The following RFX2 variants were observed in gnomAD, a reference collection of about 807,000 sequenced individuals.
RFX2 encodes the protein regulatory factor X2, also known as DNA-binding protein RFX2.
A neutral mutation model predicts 87.8 loss-of-function variants in RFX2; 20 were observed. The observed-to-expected ratio is 0.23, with a 90% CI of 0.16 to 0.33. The LOEUF (loss-of-function observed/expected upper bound fraction) is 0.33. Ranked by LOEUF, RFX2 falls within the 10% of genes least tolerant of loss-of-function variation. The probability of loss-of-function intolerance (pLI) is 1.00; values close to 1 mark genes in which losing one functional copy is unlikely to be tolerated. For synonymous variants in RFX2, 397 were observed against 431.3 expected, an observed-to-expected ratio of 0.92 and a Z score of 0.98; for missense variants, 767 against 1,012.3, an observed-to-expected ratio of 0.76 and a Z score of 3.29.
At chr19:6,076,268 C>A (rs2087691283) in intron 1 of RFX2, among the ~76,000 whole-genome samples, 1 of 152,088 alleles carries the variant, frequency 6.6e-6, no homozygotes, top group African/African-American at 2.4e-5. Context: ...CGCCTGAACC[C>A]GGGAGGCTGA....
chr19:5,994,386 A>AG lies in RFX2; in HGVS notation c.*448dup, dbSNP rs2086374177. On this transcript the variant is annotated 3_prime_UTR_variant, in exon 18 of 18. Coordinates refer to ENST00000303657, the MANE Select transcript of RFX2 (RefSeq NM_000635.4). Reference sequence around the variant, plus strand: ...TGCCTCCCCAGCGGTGGCAGGTAGGAGGGGAGAGGCCGTCCCTTTCTAGTC... The same window carrying AG: ...TGCCTCCCCAGCGGTGGCAGGTAGGAGGGGGAGAGGCCGTCCCTTTCTAGTC... The AG allele has an allele frequency of 1.3e-5, 2 of 154,822 alleles. No homozygotes were observed. The highest frequency in any genetic ancestry group is 1.3e-4 in the Admixed American group (2 of 15,764). 9.6% of individuals were successfully genotyped at this position (154,822 alleles called of 1,614,324 possible). A position where few individuals can be genotyped will look rare whatever the true frequency, so the allele number is the denominator to read the frequency against.
intron 1 of RFX2, among the ~76,000 whole-genome samples, chr19:6,087,420 T>A (rs1364795640): frequency 6.6e-6 from 1 of 152,104 alleles, no homozygotes; most frequent in African/African-American, 2.4e-5. Flanking sequence ...GGATCGAGGA[T>A]CAGAGGAAGC....
At chr19:6,067,546 C>G (rs572030355) in intron 1 of RFX2, among the ~76,000 whole-genome samples, 1 of 152,294 alleles carries the variant, frequency 6.6e-6, no homozygotes, top group East Asian at 1.9e-4. Flanking sequence ...CATGGTTGGG[C>G]AATCTCGACC....
chr19:6,100,671 G>A (rs1037410433), intron 1 of RFX2, among the ~76,000 whole-genome samples: 3 of 152,132 alleles, frequency 2.0e-5, no homozygotes, highest in African/African-American at 7.2e-5. Context: ...GGTGGGAGGC[G>A]CCATGTTGCG....
intron 5 of RFX2, among the ~76,000 whole-genome samples, chr19:6,033,095 G>A (rs1041859913): frequency 6.6e-6 from 1 of 152,138 alleles, no homozygotes; most frequent in Admixed American, 6.5e-5. Flanking sequence ...CAGCAGGACC[G>A]ATTCTTAGAG....
chr19:6,016,311 G>A lies in RFX2; in HGVS notation c.598-40C>T. ...ACACGTCTGCGTTTGTCAGAAGCCT[G>A]AGGAACGCTAACATGCCAACGTGGA... On this transcript the variant is annotated intron_variant, in intron 6 of 17. Transcript: ENST00000303657. This position sits in a 1 kb window ranked among gnomAD's most constrained non-coding sequence, Gnocchi z 5.4. The A allele has an allele frequency of 2.0e-6, 3 of 1,512,596 alleles. No homozygotes were observed. Among genetic ancestry groups the A allele is most frequent in the Non-Finnish European group, 2.7e-6 (3 of 1,108,812 alleles). 93.7% of individuals were successfully genotyped at this position (1,512,596 alleles called of 1,614,324 possible).
chr19:6,038,348 A>AAAAAC lies in RFX2; in HGVS notation c.522+1627_522+1631dup, dbSNP rs1568518829. Among the ~76,000 whole-genome samples, 4 of 150,636 alleles carry AAAAAC rather than the reference A, an allele frequency of 2.7e-5. 1 individual carries two copies. The highest frequency in any genetic ancestry group is 5.9e-5 in the Non-Finnish European group (4 of 67,626). On this transcript the variant is annotated intron_variant, in intron 5 of 17. Transcript: ENST00000303657. ...TCTCAGAAAAAAAAAAAAAAAAAAAAAAAACCCAAAACAAAAGTAAAACTA... is the reference window on the plus strand; with the variant it reads ...TCTCAGAAAAAAAAAAAAAAAAAAAAAAAACAAAACCCAAAACAAAAGTAAAACTA...
At chr19:6,079,883 T>G in intron 1 of RFX2, among the ~76,000 whole-genome samples, 1 of 82,062 alleles carries the variant, frequency 1.2e-5, no homozygotes, top group South Asian at 3.9e-4. Context: ...AGACTCTGTC[T>G]CAAAAAAAAA....
chr19:6,034,204 G>C (rs999130802), intron 5 of RFX2, among the ~76,000 whole-genome samples: 2 of 150,780 alleles, frequency 1.3e-5, no homozygotes, highest in Non-Finnish European at 3.0e-5. Flanking sequence ...CTTAGTAGCT[G>C]GGACTACAGA....
rs1422285099 is a variant in RFX2, at chr19:6,064,316, C to T, written c.-8-16812G>A. Among the ~76,000 whole-genome samples, 1 of 152,228 alleles carries T rather than the reference C, an allele frequency of 6.6e-6. No homozygotes were observed. The highest frequency in any genetic ancestry group is 1.5e-5 in the Non-Finnish European group (1 of 68,042). ...GGCATCATGCTTTTGTGTTCTCCTT[C>T]TCTTACCAGCCTTTCTTTCCCTCTC... On this transcript the variant is annotated intron_variant, in intron 1 of 17. Transcript: ENST00000303657. The surrounding 1 kb of genome is among the most constrained non-coding windows in gnomAD (Gnocchi z 4.8).
chr19:6,023,687 C>T lies in RFX2; in HGVS notation c.597+2476G>A, dbSNP rs1442861975. On this transcript the variant is annotated intron_variant, in intron 6 of 17. Coordinates refer to ENST00000303657, the MANE Select transcript of RFX2 (RefSeq NM_000635.4). The surrounding 1 kb of genome is among the most constrained non-coding windows in gnomAD (Gnocchi z 4.9). ...ATACGAATCTTCATCGGGGAAGCGA[C>T]CTGAGAAAGTCTGCCTTTCGGATGA... Among the ~76,000 whole-genome samples the T allele has an allele frequency of 6.6e-6, 1 of 152,142 alleles. No homozygotes were observed. Among genetic ancestry groups the T allele is most frequent in the Non-Finnish European group, 1.5e-5 (1 of 68,042 alleles).
In RFX2 at chr19:6,020,081, C is replaced by T. The variant is rs774353938; in HGVS notation, c.598-3810G>A. On this transcript the variant is annotated intron_variant, in intron 6 of 17. Transcript: ENST00000303657. The surrounding 1 kb of genome is among the most constrained non-coding windows in gnomAD (Gnocchi z 5.3). ...GGAGCCAAGGCCAGTGACACCACAT[C>T]TCAAGGAGCCAAATGACGATGCGGA... The T allele has an allele frequency of 6.6e-6, 1 of 152,354 alleles. No individual in the cohort carries two copies. The highest frequency in any genetic ancestry group is 1.5e-5 in the Non-Finnish European group (1 of 68,066). 9.4% of individuals were successfully genotyped at this position (152,354 alleles called of 1,614,324 possible). A position where few individuals can be genotyped will look rare whatever the true frequency, so the allele number is the denominator to read the frequency against.
At chr19:6,014,659 A>G (rs617748) in intron 7 of RFX2, among the ~76,000 whole-genome samples, 2,374 of 152,210 alleles carry the variant, frequency 0.016, 50 homozygotes, top group African/African-American at 0.054. Flanking sequence ...CTTAATCCTG[A>G]AGCCAGCAGC....
intron 1 of RFX2, among the ~76,000 whole-genome samples, chr19:6,059,199 C>T (rs868330852): frequency 3.3e-5 from 5 of 152,012 alleles, no homozygotes; most frequent in African/African-American, 9.7e-5. Context: ...AGAATGATCT[C>T]GAACTCCTGG....
rs372303921 is a variant in RFX2 at position 6,084,643 on chromosome 19, C to CTTTCTTTTTT, written c.-9+25749_-9+25750insAAAAAAGAAA. On this transcript the variant is annotated intron_variant, in intron 1 of 17. Transcript: ENST00000303657. ...TGTCCTTTTTTTTCTTTCTTTCTTTCTTTTTTTTGAGACAGAATCTCGCTC... is the reference window on the plus strand; with the variant it reads ...TGTCCTTTTTTTTCTTTCTTTCTTTCTTTCTTTTTTTTTTTTTTGAGACAGAATCTCGCTC... Among the ~76,000 whole-genome samples the CTTTCTTTTTT allele has an allele frequency of 8.8e-4, 128 of 145,414 alleles. 2 individuals are homozygous for CTTTCTTTTTT. The highest frequency in any genetic ancestry group is 3.1e-3 in the African/African-American group (114 of 36,758).
At position 6,045,279 on chromosome 19, in the gene RFX2, T is replaced by C. The variant is rs2087171832; in HGVS notation, c.91-997A>G. Reference sequence around the variant, plus strand: ...TGTGCTTGGAGAATTCACAGGGTCCTGGCAAGTCCTCAGAGAGGGACCACA... The same window carrying C: ...TGTGCTTGGAGAATTCACAGGGTCCCGGCAAGTCCTCAGAGAGGGACCACA... On this transcript the variant is annotated intron_variant, in intron 2 of 17. Transcript: ENST00000303657. This position sits in a 1 kb window ranked among gnomAD's most constrained non-coding sequence, Gnocchi z 5.2. Among the ~76,000 whole-genome samples the C allele has an allele frequency of 6.6e-6, 1 of 152,214 alleles. No homozygotes were observed. The highest frequency in any genetic ancestry group is 6.5e-5 in the Admixed American group (1 of 15,278).
chr19:6,103,468 A>G lies in RFX2; in HGVS notation c.-9+6925T>C, dbSNP rs186443829. Among the ~76,000 whole-genome samples, 58 of 152,326 alleles carry G rather than the reference A, an allele frequency of 3.8e-4. 1 individual carries two copies. Among genetic ancestry groups the G allele is most frequent in the African/African-American group, 1.3e-3 (56 of 41,570 alleles). ...GGGCCCAACTCAAGTCCTGGCACGA[A>G]GACCAGGCCAGTCCCCGGCTCCAAG... On this transcript the variant is annotated intron_variant, in intron 1 of 17. Transcript: ENST00000303657.
chr19:6,061,020 G>A lies in RFX2; in HGVS notation c.-8-13516C>T, dbSNP rs1176889955. The stretch of plus-strand genomic sequence containing the variant: ...CCCCCGCCAAAATTGCTCCTCTTGC[G>A]TTTCCTAAGCCAGGGGGCTGTTCAA... On this transcript the variant is annotated intron_variant, in intron 1 of 17. Transcript: ENST00000303657. This position sits in a 1 kb window ranked among gnomAD's most constrained non-coding sequence, Gnocchi z 5.2. Among the ~76,000 whole-genome samples the A allele has an allele frequency of 6.6e-6, 1 of 152,110 alleles. No homozygotes were observed. The highest frequency in any genetic ancestry group is 1.5e-5 in the Non-Finnish European group (1 of 68,032).
chr19:6,100,782 G>A (rs1022278294), intron 1 of RFX2, among the ~76,000 whole-genome samples: 6 of 150,316 alleles, frequency 4.0e-5, no homozygotes, highest in African/African-American at 1.5e-4. Context: ...TCTCCAATGA[G>A]CACACTCATC....
Sources: gnomAD v4.1 joint callset for allele counts (sites outside exome capture counted in the v4.1 genomes callset) on GRCh38, gnomAD v4.1.1 for gene constraint, Gnocchi (gnomAD v3.1) non-coding constraint, MANE v1.5 for transcripts, NCBI Gene and HGNC (gene_info 2026-07-23, HGNC 2026-07-21) for gene names.